The following SDK2 variants were observed in gnomAD, a reference collection of about 807,000 sequenced individuals.
SDK2 encodes the protein sidekick cell adhesion molecule 2.
SDK2 carries 105 observed loss-of-function variants against 253.9 expected under a neutral mutation model. The observed-to-expected ratio is 0.41, with a 90% CI of 0.35 to 0.49. The LOEUF (loss-of-function observed/expected upper bound fraction) is 0.49, where lower values mean the gene tolerates loss of function less well. Ranked by LOEUF, SDK2 falls within the 20% of genes least tolerant of loss-of-function variation. SDK2 has a pLI of 0.06. For missense variants in SDK2, 2,608 were observed against 3,003.0 expected, an observed-to-expected ratio of 0.87 and a Z score of 3.07; for synonymous variants, 1,249 against 1,234.9, an observed-to-expected ratio of 1.01 and a Z score of -0.24.
Position 73,361,692 on chromosome 17 carries a change from G to C in SDK2, c.5459C>G (p.Pro1820Arg). ...PEIEANVTTGPGEGAPGPPGV... is the reference protein window; with the variant it reads ...PEIEANVTTGRGEGAPGPPGV... ...GTCCGTTGCTCTCCTACCTTCTCCG[G>C]GGCCCGTGGTGACGTTGGCTTCGAT... The change falls in exon 39 of 45, where the codon CCC (proline) becomes CGC (arginine). Residue 1820 changes from proline to arginine, a missense_variant. Physicochemically the swap from Pro to Arg is moderately radical, Grantham distance 103. This residue lies in a region of SDK2 where 1,103 missense variants were observed against 1,143.9 expected (regional missense o/e 0.96). Coordinates refer to ENST00000392650, the MANE Select transcript of SDK2 (RefSeq NM_001144952.2). This position sits in a 1 kb window ranked among gnomAD's most constrained non-coding sequence, Gnocchi z 4.1. 6.2e-7 allele frequency: 1 copy of C among 1,611,658 alleles called. No homozygotes were observed. The highest frequency in any genetic ancestry group is 8.5e-7 in the Non-Finnish European group (1 of 1,177,958).
Position 73,643,982 on chromosome 17 carries a change from C to A in SDK2, c.64+43G>T. 1.9e-6 allele frequency: 2 copies of A among 1,066,070 alleles called. No individual in the cohort carries two copies. The highest frequency in any genetic ancestry group is 2.7e-6 in the Non-Finnish European group (2 of 727,848). 66.0% of individuals were successfully genotyped at this position (1,066,070 alleles called of 1,614,324 possible). On this transcript the variant is annotated intron_variant, in intron 1 of 44. Coordinates refer to ENST00000392650, the MANE Select transcript of SDK2 (RefSeq NM_001144952.2). This position sits in a 1 kb window ranked among gnomAD's most constrained non-coding sequence, Gnocchi z 6.9. ...TCCCGCCGCCCCTCCCCCGCCCACT[C>A]TCCCAGCCCCCTCCCTGTCCCCACG...
chr17:73,514,274 G>A (rs1411566282), intron 1 of SDK2, among the ~76,000 whole-genome samples: 1 of 152,082 alleles, frequency 6.6e-6, no homozygotes, highest in Non-Finnish European at 1.5e-5. Flanking sequence ...GCCTCAGCCC[G>A]GGGCTTCCTT....
Position 73,370,919 on chromosome 17 carries a change from C to T in SDK2, c.4981-2326G>A, listed in dbSNP as rs543664938. ...TCTCTACTAAAAACACAAAAATTAG[C>T]CAGGAGTGGTGGTGTGCACCTGCAG... is the stretch of plus-strand genomic sequence containing the variant. On this transcript the variant is annotated intron_variant, in intron 36 of 44. Transcript: ENST00000392650. Among the ~76,000 whole-genome samples, 53 of 151,944 alleles carry T rather than the reference C, an allele frequency of 3.5e-4. 1 individual carries two copies. The highest frequency in any genetic ancestry group is 1.9e-3 in the South Asian group (9 of 4,800).
chr17:73,561,369 C>T (rs950734134), intron 1 of SDK2, among the ~76,000 whole-genome samples: 3 of 152,110 alleles, frequency 2.0e-5, no homozygotes, highest in African/African-American at 7.2e-5. Flanking sequence ...CCAAAAGGGG[C>T]TAGGGTAGGG....
chr17:73,453,370 G>GTTTTTTTTTTTTTTTTTTTTTTTT (rs34814268), intron 4 of SDK2, among the ~76,000 whole-genome samples: 1 of 141,226 alleles, frequency 7.1e-6, no homozygotes, highest in Non-Finnish European at 1.5e-5. Context: ...CTGAGCTGGG[G>GTTTTTTTTTTTTTTTTTTTTTTTT]TTTTTTTTTT....
At chr17:73,414,874 A>T (rs1162500196) in intron 17 of SDK2, 115 bp from the exon 18 acceptor site, 2 of 648,020 alleles carry the variant, frequency 3.1e-6, no homozygotes, top group Non-Finnish European at 5.6e-6. Flanking sequence ...GCACCCCCCT[A>T]CCCCACCCCA....
chr17:73,361,951 AG>A lies in SDK2; in HGVS notation c.5306-107del. On this transcript the variant is annotated intron_variant, in intron 38 of 44. Transcript: ENST00000392650. This position sits in a 1 kb window ranked among gnomAD's most constrained non-coding sequence, Gnocchi z 4.1. The stretch of plus-strand genomic sequence containing the variant: ...TGGCCTGGGCCCCGGGACCCTGGGT[AG>A]GGGCCTCACTCCTTGAGGTCAGGCT... 1 of 1,121,690 alleles carries A rather than the reference AG, an allele frequency of 8.9e-7. No homozygotes were observed. The highest frequency in any genetic ancestry group is 1.2e-6 in the Non-Finnish European group (1 of 804,914). The allele number at this position is 1,121,690 out of a possible 1,614,324, so 69.5% of individuals were successfully genotyped here. A position where few individuals can be genotyped will look rare whatever the true frequency, so the allele number is the denominator to read the frequency against.
intron 2 of SDK2, among the ~76,000 whole-genome samples, chr17:73,503,056 G>A (rs1245021921): frequency 6.6e-6 from 1 of 152,200 alleles, no homozygotes; most frequent in African/African-American, 2.4e-5. Flanking sequence ...CCCACATTGA[G>A]GGAAATTCTG....
Position 73,395,445 on chromosome 17 carries a change from C to A in SDK2, c.3355-53G>T. On this transcript the variant is annotated intron_variant, in intron 24 of 44. Coordinates refer to ENST00000392650, the MANE Select transcript of SDK2 (RefSeq NM_001144952.2). The surrounding 1 kb of genome is among the most constrained non-coding windows in gnomAD (Gnocchi z 4.3). ...GCTATGAGCCAGGCCCCCCACTGTG[C>A]AGGGAGGAACTGCCCTGCTACCCTC... is the stretch of plus-strand genomic sequence containing the variant. The A allele has an allele frequency of 6.8e-7, 1 of 1,460,992 alleles. No homozygotes were observed. Among genetic ancestry groups the A allele is most frequent in the Non-Finnish European group, 9.6e-7 (1 of 1,045,262 alleles). The allele number at this position is 1,460,992 out of a possible 1,614,324, so 90.5% of individuals were successfully genotyped here.
chr17:73,571,632 C>T (rs963694252), intron 1 of SDK2, among the ~76,000 whole-genome samples: 4 of 152,202 alleles, frequency 2.6e-5, no homozygotes, highest in African/African-American at 4.8e-5. Context: ...TCATTAGGGC[C>T]GAGGAGCTCC....
rs545718164 is a variant in SDK2, at chr17:73,359,598, C to T, written c.5468-1394G>A. Among the ~76,000 whole-genome samples, 3 of 152,158 alleles carry T rather than the reference C, an allele frequency of 2.0e-5. No homozygotes were observed. The East Asian group carries it at 5.8e-4, about 29-fold the overall frequency. ...TCCAGCCACTGCCTGGCTGCATGTT[C>T]CCCGCCTGCAGACCGCCCCCTGCAC... On this transcript the variant is annotated intron_variant, in intron 39 of 44. Transcript: ENST00000392650.
intron 1 of SDK2, among the ~76,000 whole-genome samples, chr17:73,599,884 G>C (rs1015044722): frequency 3.9e-5 from 6 of 152,226 alleles, no homozygotes; most frequent in African/African-American, 1.4e-4. Flanking sequence ...TTCAGTGAAG[G>C]TAGGTGCCAA....
chr17:73,355,174 A>ATATATATATATATATATATTTTT, intron 40 of SDK2, among the ~76,000 whole-genome samples: 2 of 47,238 alleles, frequency 4.2e-5, no homozygotes, highest in Non-Finnish European at 6.7e-5. Context: ...ATATATATAT[A>ATATATATATATATATATATTTTT]TTTTTTTTTT....
chr17:73,398,371 G>C lies in SDK2; in HGVS notation c.3152C>G (p.Pro1051Arg). The change falls in exon 23 of 45, where the codon CCC becomes CGC. Residue 1051 changes from proline to arginine, a missense_variant. By Grantham distance (103) the Pro-to-Arg change is moderately radical. Coordinates refer to ENST00000392650, the MANE Select transcript of SDK2 (RefSeq NM_001144952.2). ...GGGCACCTCCATGGAGCGGGCATCG[G>C]GCTCATTGGAGAGCTGGTGGATCAG... ...WLLIHQLSNE[P>R]DARSMEVPDL... 1.2e-6 allele frequency: 2 copies of C among 1,613,992 alleles called. No homozygotes were observed. Among genetic ancestry groups the C allele is most frequent in the Non-Finnish European group, 1.7e-6 (2 of 1,179,866 alleles).
rs147545365 is a variant in SDK2, at chr17:73,361,227, C to T, written c.5467+457G>A. 1.1e-4 allele frequency among the ~76,000 whole-genome samples: 16 copies of T among 152,216 alleles called. No homozygotes were observed. Among genetic ancestry groups the T allele is most frequent in the South Asian group, 4.2e-4 (2 of 4,816 alleles). ...CCCCTCGGAGCATCCACCCTGGGAA[C>T]GTGCATTTTAGTGCGCCCTGCTCTG... On this transcript the variant is annotated intron_variant, in intron 39 of 44. Transcript: ENST00000392650. The surrounding 1 kb of genome is among the most constrained non-coding windows in gnomAD (Gnocchi z 4.1).
intron 43 of SDK2, among the ~76,000 whole-genome samples, chr17:73,349,203 G>A (rs2062513027): frequency 6.6e-6 from 1 of 152,216 alleles, no homozygotes; most frequent in African/African-American, 2.4e-5. Context: ...GCCATGCTGG[G>A]CCTGGCTGGG....
chr17:73,622,121 T>C (rs544724225), intron 1 of SDK2, among the ~76,000 whole-genome samples: 1 of 152,342 alleles, frequency 6.6e-6, no homozygotes, highest in African/African-American at 2.4e-5. Flanking sequence ...CTTCCTACCA[T>C]AGTGTATGGG....
rs184466674 is a variant in SDK2, at chr17:73,443,501, G to A, written c.614-2578C>T. Among the ~76,000 whole-genome samples, 4 of 152,376 alleles carry A rather than the reference G, an allele frequency of 2.6e-5. No individual in the cohort carries two copies. The highest frequency in any genetic ancestry group is 6.5e-5 in the Admixed American group (1 of 15,314). On this transcript the variant is annotated intron_variant, in intron 5 of 44. Coordinates refer to ENST00000392650, the MANE Select transcript of SDK2 (RefSeq NM_001144952.2). This position sits in a 1 kb window ranked among gnomAD's most constrained non-coding sequence, Gnocchi z 4.6. Reference sequence around the variant, plus strand: ...AGACAGTTAGAGCCCAAGCCAGAGCGCCGCATGGCACAGCCAGGTAAACAG... The same window carrying A: ...AGACAGTTAGAGCCCAAGCCAGAGCACCGCATGGCACAGCCAGGTAAACAG...
At position 73,417,405 on chromosome 17, in the gene SDK2, C is replaced by CA. The variant is rs111684261; in HGVS notation, c.2187-1414dup. 6.3e-3 allele frequency among the ~76,000 whole-genome samples: 620 copies of CA among 98,692 alleles called. 1 individual carries two copies. Among genetic ancestry groups the CA allele is most frequent in the African/African-American group, 0.017 (459 of 26,802 alleles). The allele number at this position is 98,692 out of a possible 152,430, so 64.7% of individuals were successfully genotyped here. On this transcript the variant is annotated intron_variant, in intron 16 of 44. Transcript: ENST00000392650. Reference sequence around the variant, plus strand: ...TGGGCAATGGAGTGAGACCCTGTCTCAAAAAAAAAAAAAAGAAAATAAATT... The same window carrying CA: ...TGGGCAATGGAGTGAGACCCTGTCTCAAAAAAAAAAAAAAAGAAAATAAATT...
Sources: gnomAD v4.1 joint callset for allele counts (sites outside exome capture counted in the v4.1 genomes callset) on GRCh38, gnomAD v4.1.1 for gene constraint, gnomAD v4.1.1 regional missense constraint, Gnocchi (gnomAD v3.1) non-coding constraint, MANE v1.5 for transcripts, NCBI Gene and HGNC (gene_info 2026-07-23, HGNC 2026-07-21) for gene names.